Variants in PCNX2 observed in about 807,000 individuals in gnomAD.
The protein encoded by PCNX2 is pecanex 2.
PCNX2 carries 168 observed loss-of-function variants against 223.8 expected under a neutral mutation model. The ratio of observed to expected loss-of-function variants is 0.75; its 90% CI spans 0.66 to 0.85. The LOEUF is 0.85. Ranked by LOEUF, PCNX2 falls within the 40% of genes least tolerant of loss-of-function variation. The pLI, the probability that PCNX2 is intolerant of heterozygous loss-of-function variation, is 0.00. For missense variants in PCNX2, 2,507 were observed against 2,675.5 expected (o/e 0.94, Z 1.39); for synonymous variants, 1,006 against 1,052.6 (o/e 0.96, Z 0.86).
At chr1:233,088,695 AT>A (rs1197778400) in intron 23 of PCNX2, among the ~76,000 whole-genome samples, 2 of 152,040 alleles carry the variant, frequency 1.3e-5, no homozygotes, top group Non-Finnish European at 2.9e-5. Context: ...GGGCTCACTG[AT>A]TTGGTTAGTT....
chr1:233,160,179 G>T (rs940708564), intron 19 of PCNX2, 104 bp downstream of exon 19: 1 of 1,287,842 alleles, frequency 7.8e-7, no homozygotes, highest in Non-Finnish European at 1.1e-6. Flanking sequence ...CAAGTGTACA[G>T]TTCTGTGGCA....
At chr1:233,029,874 T>C (rs1671205976) in intron 25 of PCNX2, among the ~76,000 whole-genome samples, 1 of 152,196 alleles carries the variant, frequency 6.6e-6, no homozygotes, top group Non-Finnish European at 1.5e-5. Context: ...AATTTTTCTT[T>C]ACCTTTAATT....
rs572135239 is a variant in PCNX2 at position 233,258,371 on chromosome 1, T to C, written c.1491A>G (p.Thr497=). The change falls in exon 5 of 34, where the codon ACA becomes ACG. Residue 497 remains threonine (T), a synonymous_variant. Coordinates refer to ENST00000258229, the MANE Select transcript of PCNX2 (RefSeq NM_014801.4). ...CCTTAGACTCGGAGCCTGTATCAGGTGTAAGCCGGGACACCGATTCCCAGG... is the reference window on the plus strand; with the variant it reads ...CCTTAGACTCGGAGCCTGTATCAGGCGTAAGCCGGGACACCGATTCCCAGG... ...REPWESVSRL[T]PDTGSESKVG... The C allele has an allele frequency of 1.3e-5, 21 of 1,613,844 alleles. No individual in the cohort carries two copies. The highest frequency in any genetic ancestry group is 1.1e-4 in the South Asian group (10 of 91,080).
intron 23 of PCNX2, among the ~76,000 whole-genome samples, chr1:233,073,872 G>C (rs1029409008): frequency 6.6e-6 from 1 of 152,046 alleles, no homozygotes; most frequent in Non-Finnish European, 1.5e-5. Flanking sequence ...ATTCTGTCTT[G>C]GTCTCCCAAA....
chr1:233,267,677 A>G (rs76552186), intron 1 of PCNX2, among the ~76,000 whole-genome samples: 15,095 of 152,184 alleles, frequency 0.099, 913 homozygotes, highest in South Asian at 0.19. Context: ...GCTCATCCAC[A>G]CTGTAGCCTG....
At chr1:233,090,957 C>G (rs1413285266) in intron 22 of PCNX2, among the ~76,000 whole-genome samples, 2 of 152,140 alleles carry the variant, frequency 1.3e-5, no homozygotes, top group African/African-American at 4.8e-5. Flanking sequence ...TCGCGAGGAG[C>G]CAGAAGCAAC....
At chr1:233,081,754 C>T (rs1041372680) in intron 23 of PCNX2, among the ~76,000 whole-genome samples, 2 of 152,148 alleles carry the variant, frequency 1.3e-5, no homozygotes, top group African/African-American at 4.8e-5. Context: ...TTGCTTCTGA[C>T]CTGCAGTGGT....
chr1:233,174,188 A>G (rs1000757717), intron 17 of PCNX2, among the ~76,000 whole-genome samples: 39 of 112,228 alleles, frequency 3.5e-4, no homozygotes, highest in African/African-American at 1.1e-3. Context: ...ATAAATATGT[A>G]TTTAATTTAT....
intron 1 of PCNX2, among the ~76,000 whole-genome samples, chr1:233,264,919 C>T (rs76942504): frequency 0.01 from 1,569 of 152,084 alleles, 15 homozygotes; most frequent in Non-Finnish European, 0.015. Flanking sequence ...TGCAGATGTC[C>T]GTGAAAACAG....
At chr1:232,992,247 G>A (rs1303063489) in intron 32 of PCNX2, among the ~76,000 whole-genome samples, 1 of 152,192 alleles carries the variant, frequency 6.6e-6, no homozygotes, top group East Asian at 1.9e-4. Flanking sequence ...GAGCCAGAAA[G>A]GTACTTGAGA....
rs200339911 is a variant in PCNX2 at position 233,126,505 on chromosome 1, GTGTGTGTGTGTT to G, written c.3837+8496_3837+8507del. ...TATTGATATTTTAAATTTGTGTGGT[GTGTGTGTGTGTT>G]TGTGTGTGTGTGTGTGTGTGTAAAT... On this transcript the variant is annotated intron_variant, in intron 21 of 33. Transcript: ENST00000258229. The surrounding 1 kb of genome is among the most constrained non-coding windows in gnomAD (Gnocchi z 4.8). 6.8e-3 allele frequency among the ~76,000 whole-genome samples: 977 copies of G among 144,622 alleles called. 22 individuals carry two copies. The highest frequency in any genetic ancestry group is 0.044 in the Admixed American group (631 of 14,246). The allele number at this position is 144,622 out of a possible 152,430, so 94.9% of individuals were successfully genotyped here.
At chr1:233,087,058 G>A (rs1184413506) in intron 23 of PCNX2, 1 of 985,256 alleles carries the variant, frequency 1.0e-6, no homozygotes, top group Non-Finnish European at 1.2e-6. Flanking sequence ...GGGAACAGGA[G>A]GTCTGCAGGT....
intron 23 of PCNX2, among the ~76,000 whole-genome samples, chr1:233,089,586 C>T (rs539041396): frequency 1.6e-4 from 25 of 152,218 alleles, no homozygotes; most frequent in African/African-American, 4.6e-4. Flanking sequence ...ACTTTTATGC[C>T]GCAAGTTTTA....
chr1:233,099,811 A>C (rs1250260574), intron 21 of PCNX2, among the ~76,000 whole-genome samples: 1 of 152,214 alleles, frequency 6.6e-6, no homozygotes, highest in East Asian at 1.9e-4. Context: ...GAAACATTTA[A>C]GATAAGACTT....
chr1:233,107,667 GA>G (rs141998113), intron 21 of PCNX2, among the ~76,000 whole-genome samples: 22,158 of 145,706 alleles, frequency 0.15, 1,690 homozygotes, highest in East Asian at 0.21. Flanking sequence ...CACTTACAAT[GA>G]AAAAAAAAAA....
intron 23 of PCNX2, among the ~76,000 whole-genome samples, chr1:233,076,343 C>T (rs1558208639): frequency 6.6e-6 from 1 of 152,148 alleles, no homozygotes; most frequent in African/African-American, 2.4e-5. Flanking sequence ...ACATGCATTT[C>T]CCCATATAGC....
At position 233,250,778 on chromosome 1, in the gene PCNX2, T is replaced by C; in HGVS notation, c.2183A>G (p.Gln728Arg). The change falls in exon 8 of 34, where the codon CAG becomes CGG. Residue 728 changes from glutamine (Q) to arginine (R), a missense_variant. Physicochemically the swap from Gln to Arg is conservative, Grantham distance 43. Coordinates refer to ENST00000258229, the MANE Select transcript of PCNX2 (RefSeq NM_014801.4). The stretch of plus-strand genomic sequence containing the variant: ...ACAGTCATTATTTGATGGTAGAGGC[T>C]GTAAAGGGCCTTCTTTCTGATTTCC... ...KSGNQKEGPL[Q>R]PLPSNNDCLS... 1 of 1,607,368 alleles carries C rather than the reference T, an allele frequency of 6.2e-7. No individual in the cohort carries two copies. The highest frequency in any genetic ancestry group is 8.5e-7 in the Non-Finnish European group (1 of 1,176,786).
intron 28 of PCNX2, among the ~76,000 whole-genome samples, chr1:233,009,064 G>C (rs1240828018): frequency 6.6e-6 from 1 of 152,172 alleles, no homozygotes; most frequent in African/African-American, 2.4e-5. Context: ...GGACTCTGGA[G>C]TCTGGGCATG....
At chr1:233,022,558 G>A (rs1398183614) in intron 26 of PCNX2, among the ~76,000 whole-genome samples, 2 of 152,024 alleles carry the variant, frequency 1.3e-5, no homozygotes, top group Non-Finnish European at 2.9e-5. Flanking sequence ...GTGGGGCAGG[G>A]AGCACAGGTA....
Sources: gnomAD v4.1 joint callset for allele counts (sites outside exome capture counted in the v4.1 genomes callset) on GRCh38, gnomAD v4.1.1 for gene constraint, Gnocchi (gnomAD v3.1) non-coding constraint, MANE v1.5 for transcripts, NCBI Gene and HGNC (gene_info 2026-07-23, HGNC 2026-07-21) for gene names.